SLC2A12: variants seen among roughly 807,000 people sequenced by gnomAD.
The protein encoded by SLC2A12 is solute carrier family 2 member 12, also known as solute carrier family 2, facilitated glucose transporter member 12.
SLC2A12 carries 23 observed loss-of-function variants against 41.8 expected under a neutral mutation model. The ratio of observed to expected loss-of-function variants is 0.55; its 90% CI spans 0.40 to 0.78. The LOEUF (loss-of-function observed/expected upper bound fraction) is 0.78, where lower values mean the gene tolerates loss of function less well. Ranked by LOEUF, SLC2A12 falls within the 30% of genes least tolerant of loss-of-function variation. SLC2A12 has a pLI of 0.00. For missense variants in SLC2A12, 654 were observed against 745.6 expected (o/e 0.88, Z 1.43); for synonymous variants, 295 against 285.9 (o/e 1.03, Z -0.32).
chr6:134,044,869 T>G (rs919405679), intron 1 of SLC2A12, among the ~76,000 whole-genome samples: 1 of 152,200 alleles, frequency 6.6e-6, no homozygotes, highest in African/African-American at 2.4e-5. Context: ...ACTCATTGAC[T>G]CCTTCAACAA....
chr6:133,994,393 A>G lies in SLC2A12; in HGVS notation c.1701-3085T>C, dbSNP rs539143141. Among the ~76,000 whole-genome samples, 15 of 152,302 alleles carry G rather than the reference A, an allele frequency of 9.8e-5. No individual in the cohort carries two copies. In the East Asian group the frequency reaches 2.9e-3, roughly 29 times the overall value. ...AGCCTTGAATTCTAGAGAGATAGCT[A>G]GAGACATAAATTTCAGACCCTGGCA... is the stretch of plus-strand genomic sequence containing the variant. On this transcript the variant is annotated intron_variant, in intron 4 of 4. Transcript: ENST00000275230.
chr6:134,010,558 T>A (rs955266538), intron 2 of SLC2A12, among the ~76,000 whole-genome samples: 2 of 152,158 alleles, frequency 1.3e-5, no homozygotes, highest in Admixed American at 1.3e-4. Context: ...AATGTCAGGG[T>A]CTGCATGAAT....
intron 4 of SLC2A12, among the ~76,000 whole-genome samples, chr6:133,996,249 A>G (rs1421887106): frequency 6.6e-6 from 1 of 152,258 alleles, no homozygotes; most frequent in East Asian, 1.9e-4. Context: ...CAGAACTGAA[A>G]TATTTACAAA....
chr6:134,016,604 C>T (rs1776966379), intron 2 of SLC2A12, among the ~76,000 whole-genome samples: 1 of 151,936 alleles, frequency 6.6e-6, no homozygotes, highest in South Asian at 2.1e-4. Context: ...CTAGCTATTG[C>T]TTTGCTATGG....
chr6:134,025,281 G>T (rs527979684), intron 2 of SLC2A12, among the ~76,000 whole-genome samples: 14 of 152,168 alleles, frequency 9.2e-5, no homozygotes, highest in Admixed American at 6.5e-5. Flanking sequence ...AATTTCAGAA[G>T]ATAAAACATG....
chr6:134,002,289 T>C (rs1776762814), intron 3 of SLC2A12, among the ~76,000 whole-genome samples, 160 bp from the exon 4 acceptor site: 1 of 152,162 alleles, frequency 6.6e-6, no homozygotes, highest in South Asian at 2.1e-4. Flanking sequence ...TAGCCAGCTC[T>C]GAAGGTGTTA....
At chr6:134,048,819 A>G (rs1773627748) in intron 1 of SLC2A12, among the ~76,000 whole-genome samples, 1 of 152,186 alleles carries the variant, frequency 6.6e-6, no homozygotes, top group Non-Finnish European at 1.5e-5. Context: ...TCTTACTAGA[A>G]TCTGTCTTCT....
At chr6:134,000,887 T>A (rs1488668894) in intron 4 of SLC2A12, among the ~76,000 whole-genome samples, 1 of 152,128 alleles carries the variant, frequency 6.6e-6, no homozygotes, top group African/African-American at 2.4e-5. Context: ...AGAACAACGG[T>A]AGATGGTTAA....
intron 2 of SLC2A12, among the ~76,000 whole-genome samples, chr6:134,012,414 A>G (rs138133097): frequency 8.6e-4 from 131 of 152,300 alleles, no homozygotes; most frequent in African/African-American, 2.4e-3. Flanking sequence ...GCAGGCACCA[A>G]TTGGGGATAA....
At position 133,991,020 on chromosome 6, in the gene SLC2A12, A is replaced by G. The variant is rs1776614725; in HGVS notation, c.*135T>C. 9.5e-7 allele frequency: 1 copy of G among 1,047,414 alleles called. No homozygotes were observed. The highest frequency in any genetic ancestry group is 1.3e-6 in the Non-Finnish European group (1 of 743,806). The allele number at this position is 1,047,414 out of a possible 1,614,324, so 64.9% of individuals were successfully genotyped here. A position where few individuals can be genotyped will look rare whatever the true frequency, so the allele number is the denominator to read the frequency against. ...AGGAGGGGGATTAAAGGCTGTCTTTATCATTTCAGAGTGTCTCTTCAAAAC... is the reference window on the plus strand; with the variant it reads ...AGGAGGGGGATTAAAGGCTGTCTTTGTCATTTCAGAGTGTCTCTTCAAAAC... On this transcript the variant is annotated 3_prime_UTR_variant, in exon 5 of 5. Coordinates refer to ENST00000275230, the MANE Select transcript of SLC2A12 (RefSeq NM_145176.3).
rs56710009 is a variant in SLC2A12 at position 134,005,659 on chromosome 6, TAAAAAAAAAAAAAAA to T, written c.1567+1138_1567+1152del. Among the ~76,000 whole-genome samples, 346 of 64,982 alleles carry T rather than the reference TAAAAAAAAAAAAAAA, an allele frequency of 5.3e-3. 3 individuals are homozygous for T. Among genetic ancestry groups the T allele is most frequent in the Non-Finnish European group, 7.1e-3 (266 of 37,408 alleles). The allele number at this position is 64,982 out of a possible 152,430, so 42.6% of individuals were successfully genotyped here. ...TGGGCAAGAGAGTGAGACTCTGTCTTAAAAAAAAAAAAAAAAAAAAAAAAAAAAAAAAAAGAATCT... is the reference window on the plus strand; with the variant it reads ...TGGGCAAGAGAGTGAGACTCTGTCTTAAAAAAAAAAAAAAAAAAAGAATCT... On this transcript the variant is annotated intron_variant, in intron 3 of 4. Transcript: ENST00000275230.
Position 134,013,606 on chromosome 6 carries a change from T to C in SLC2A12, c.1445-6672A>G, listed in dbSNP as rs565667015. ...TACTTTTTAAATGGATGAAAATGAT[T>C]GTTCTCAAGATTAATTAAAATATGG... is the stretch of plus-strand genomic sequence containing the variant. On this transcript the variant is annotated intron_variant, in intron 2 of 4. Coordinates refer to ENST00000275230, the MANE Select transcript of SLC2A12 (RefSeq NM_145176.3). Among the ~76,000 whole-genome samples the C allele has an allele frequency of 2.1e-3, 326 of 152,302 alleles. 3 individuals are homozygous for C. The highest frequency in any genetic ancestry group is 3.8e-3 in the Non-Finnish European group (260 of 68,020).
chr6:134,025,412 T>C (rs189266545), intron 2 of SLC2A12, among the ~76,000 whole-genome samples: 2 of 152,350 alleles, frequency 1.3e-5, no homozygotes, highest in South Asian at 4.1e-4. Flanking sequence ...TACTGCAAAG[T>C]ACGTAAAAGC....
At chr6:133,999,843 G>A (rs1776734665) in intron 4 of SLC2A12, among the ~76,000 whole-genome samples, 1 of 152,196 alleles carries the variant, frequency 6.6e-6, no homozygotes, top group Non-Finnish European at 1.5e-5. Flanking sequence ...ATGTGAAACA[G>A]GCATAAGGAA....
chr6:134,026,600 C>T (rs143362878), intron 2 of SLC2A12, among the ~76,000 whole-genome samples: 81 of 152,150 alleles, frequency 5.3e-4, no homozygotes, highest in Middle Eastern at 3.4e-3. Flanking sequence ...AATCTGTTTC[C>T]GGGAAACTGT....
chr6:134,023,412 A>G (rs1582612605), intron 2 of SLC2A12, among the ~76,000 whole-genome samples: 1 of 152,128 alleles, frequency 6.6e-6, no homozygotes, highest in South Asian at 2.1e-4. Context: ...CTAGAAAGGG[A>G]ATGGAAGTGG....
intron 2 of SLC2A12, among the ~76,000 whole-genome samples, chr6:134,012,708 C>G (rs569901086): frequency 1.3e-5 from 2 of 152,310 alleles, no homozygotes; most frequent in South Asian, 4.2e-4. Flanking sequence ...TGGCCCACTC[C>G]TACAATTCCA....
chr6:134,019,308 T>A (rs2114456905), intron 2 of SLC2A12, among the ~76,000 whole-genome samples: 1 of 152,320 alleles, frequency 6.6e-6, no homozygotes, highest in East Asian at 1.9e-4. Flanking sequence ...CATGAAATAA[T>A]AACATTATGC....
intron 1 of SLC2A12, among the ~76,000 whole-genome samples, chr6:134,032,450 A>T (rs1344325807): frequency 1.6e-4 from 7 of 44,384 alleles, no homozygotes; most frequent in African/African-American, 6.3e-4. Context: ...ATATATATAA[A>T]TATATATATA....
Sources: allele counts gnomAD v4.1 joint callset (sites outside exome capture counted in the v4.1 genomes callset), GRCh38; gene constraint gnomAD v4.1.1; transcripts MANE v1.5; gene names NCBI Gene and HGNC (gene_info 2026-07-23, HGNC 2026-07-21).